AGBL1: variants seen among roughly 807,000 people sequenced by gnomAD.
AGBL1 encodes the protein AGBL carboxypeptidase 1.
Under a neutral mutation model 118.9 loss-of-function variants are expected in AGBL1, and 130 were observed. That is an observed-to-expected ratio of 1.09 (90% CI 0.95 to 1.26). The LOEUF is 1.26. Among genes scored for constraint, AGBL1 ranks in the 50% most tolerant of loss-of-function variants. AGBL1 has a pLI of 0.00. For missense variants in AGBL1, 1,584 were observed against 1,298.1 expected, an observed-to-expected ratio of 1.22 and a Z score of -3.38; for synonymous variants, 555 against 478.9, an observed-to-expected ratio of 1.16 and a Z score of -2.08.
intron 22 of AGBL1, among the ~76,000 whole-genome samples, chr15:86,688,113 G>A (rs76018326): frequency 0.02 from 3,039 of 152,228 alleles, 109 homozygotes; most frequent in African/African-American, 0.069. Context: ...AACAACAAGC[G>A]CATGTCGTTG....
At chr15:86,166,723 T>C (rs967633552) in intron 5 of AGBL1, among the ~76,000 whole-genome samples, 1 of 152,170 alleles carries the variant, frequency 6.6e-6, no homozygotes, top group African/African-American at 2.4e-5. Context: ...CATTGCTGGT[T>C]CTGTATTTAT....
At position 86,834,153 on chromosome 15, in the gene AGBL1, A is replaced by G. The variant is rs1353421234; in HGVS notation, c.3159-72934A>G. ...CTATGTCGGGATACCAGAGGATTCAATGGGGCATCTGTTTGTGCTTCTGTA... is the reference window on the plus strand; with the variant it reads ...CTATGTCGGGATACCAGAGGATTCAGTGGGGCATCTGTTTGTGCTTCTGTA... On this transcript the variant is annotated intron_variant, in intron 22 of 22. Transcript: ENST00000614907. Among the ~76,000 whole-genome samples, 4 of 152,174 alleles carry G rather than the reference A, an allele frequency of 2.6e-5. No individual in the cohort carries two copies. The East Asian group carries it at 5.8e-4, about 22-fold the overall frequency.
intron 19 of AGBL1, among the ~76,000 whole-genome samples, chr15:86,542,517 C>T (rs1374546129): frequency 2.6e-5 from 4 of 151,678 alleles, no homozygotes; most frequent in African/African-American, 9.7e-5. Flanking sequence ...CAGGCGCATG[C>T]CACCATGCCT....
Position 86,365,599 on chromosome 15 carries a change from C to G in AGBL1, c.2375-31767C>G, listed in dbSNP as rs138544630. On this transcript the variant is annotated intron_variant, in intron 17 of 22. Transcript: ENST00000614907. ...CTATTCTTACATTCTCTCTCTATACCCATTTATCTCTTTACAGAGCTGCCT... is the reference window on the plus strand; with the variant it reads ...CTATTCTTACATTCTCTCTCTATACGCATTTATCTCTTTACAGAGCTGCCT... Among the ~76,000 whole-genome samples, 21 of 152,182 alleles carry G rather than the reference C, an allele frequency of 1.4e-4. 1 individual carries two copies. The highest frequency in any genetic ancestry group is 1.4e-3 in the Admixed American group (21 of 15,266).
rs144602165 is a variant in AGBL1, at chr15:86,110,979, AATGTG to A, written c.51+30958_51+30962del. Among the ~76,000 whole-genome samples the A allele has an allele frequency of 9.0e-3, 1,368 of 152,314 alleles. 11 individuals are homozygous for A. Among genetic ancestry groups the A allele is most frequent in the Middle Eastern group, 0.034 (10 of 294 alleles). ...GCCACCCAGTATTGCTACAATTACT[AATGTG>A]ACAGGCCTATCTTTTATTCTCCCAG... On this transcript the variant is annotated intron_variant, in intron 1 of 22. Coordinates refer to ENST00000614907, the MANE Select transcript of AGBL1 (RefSeq NM_001386094.1).
chr15:86,969,878 G>A (rs1187143333), intron 23 of AGBL1, among the ~76,000 whole-genome samples: 2 of 151,852 alleles, frequency 1.3e-5, no homozygotes, highest in African/African-American at 4.8e-5. Flanking sequence ...GAGGAATGTG[G>A]GAAGAACACA....
At chr15:86,152,529 G>A (rs1386859039) in intron 3 of AGBL1, among the ~76,000 whole-genome samples, 1 of 152,160 alleles carries the variant, frequency 6.6e-6, no homozygotes, top group East Asian at 1.9e-4. Context: ...ATGGATTGAA[G>A]ACTTAAATGT....
At chr15:86,378,748 T>C (rs546519711) in intron 17 of AGBL1, among the ~76,000 whole-genome samples, 3 of 152,046 alleles carry the variant, frequency 2.0e-5, no homozygotes, top group South Asian at 2.1e-4. Flanking sequence ...AAGTAACATA[T>C]GCAAAGTCAA....
At chr15:86,836,012 C>T (rs543459411) in intron 22 of AGBL1, among the ~76,000 whole-genome samples, 110 of 152,312 alleles carry the variant, frequency 7.2e-4, no homozygotes, top group Admixed American at 2.2e-3. Flanking sequence ...GAACATGCTG[C>T]TTCTAGCTTA....
At chr15:86,244,334 G>A (rs541618188) in intron 6 of AGBL1, among the ~76,000 whole-genome samples, 5 of 152,192 alleles carry the variant, frequency 3.3e-5, no homozygotes, top group South Asian at 2.1e-4. Context: ...GCAAAGCAGC[G>A]CCTTCCTCTC....
intron 22 of AGBL1, among the ~76,000 whole-genome samples, chr15:86,761,930 T>A (rs532644465): frequency 1.4e-4 from 22 of 152,268 alleles, no homozygotes; most frequent in Non-Finnish European, 2.9e-4. Context: ...CTGAATGGTA[T>A]TGCCTAGATT....
intron 22 of AGBL1, among the ~76,000 whole-genome samples, chr15:86,705,033 C>T (rs1262077901): frequency 6.6e-6 from 1 of 152,058 alleles, no homozygotes; most frequent in African/African-American, 2.4e-5. Context: ...AACACAGGAA[C>T]AGAAAAATCA....
At position 86,298,246 on chromosome 15, in the gene AGBL1, A is replaced by ATATATAT. The variant is rs1555462936; in HGVS notation, c.2374+2838_2374+2839insTATATAT. 2.5e-3 allele frequency among the ~76,000 whole-genome samples: 173 copies of ATATATAT among 69,804 alleles called. 9 individuals carry two copies. The highest frequency in any genetic ancestry group is 0.013 in the Middle Eastern group (2 of 154). 45.8% of individuals were successfully genotyped at this position (69,804 alleles called of 152,430 possible). A position where few individuals can be genotyped will look rare whatever the true frequency, so the allele number is the denominator to read the frequency against. On this transcript the variant is annotated intron_variant, in intron 17 of 22. Transcript: ENST00000614907. Reference sequence around the variant, plus strand: ...GTATACAGGGTACGTGTCTGTGTATAATATATATATATATATATATATATA... The same window carrying ATATATAT: ...GTATACAGGGTACGTGTCTGTGTATATATATATATATATATATATATATATATATATA...
upstream of AGBL1, chr15:86,079,797 C>T (rs145599731): frequency 8.4e-3 from 3,398 of 403,154 alleles, 23 homozygotes; most frequent in Non-Finnish European, 0.012. Context: ...TGGGTATTCA[C>T]GCCTGTGCCG....
chr15:86,216,542 G>A (rs1294331776), intron 5 of AGBL1, among the ~76,000 whole-genome samples: 2 of 152,048 alleles, frequency 1.3e-5, no homozygotes, highest in Non-Finnish European at 2.9e-5. Context: ...TCTTTATTCT[G>A]TTATTATGGT....
chr15:86,733,682 G>T (rs2141220417), intron 22 of AGBL1, among the ~76,000 whole-genome samples: 1 of 152,198 alleles, frequency 6.6e-6, no homozygotes, highest in Admixed American at 6.5e-5. Flanking sequence ...CATTCTATAT[G>T]TGCTCGTAAC....
intron 23 of AGBL1, among the ~76,000 whole-genome samples, chr15:86,984,023 C>A (rs954329966): frequency 6.6e-6 from 1 of 152,060 alleles, no homozygotes; most frequent in Non-Finnish European, 1.5e-5. Context: ...GTGGGCATAT[C>A]ATTTTATTTC....
chr15:86,416,085 T>C (rs902008569), intron 18 of AGBL1, among the ~76,000 whole-genome samples: 5 of 152,200 alleles, frequency 3.3e-5, no homozygotes, highest in African/African-American at 1.2e-4. Context: ...TGGCCCACTC[T>C]TTCAGAAGGT....
Position 86,079,883 on chromosome 15 carries a change from C to A in AGBL1, c.-90C>A, listed in dbSNP as rs569546610. The A allele has an allele frequency of 1.5e-5, 15 of 990,390 alleles. No homozygotes were observed. Among genetic ancestry groups the A allele is most frequent in the Admixed American group, 4.3e-5 (1 of 23,406 alleles). The allele number at this position is 990,390 out of a possible 1,614,324, so 61.4% of individuals were successfully genotyped here. A position where few individuals can be genotyped will look rare whatever the true frequency, so the allele number is the denominator to read the frequency against. On this transcript the variant is annotated 5_prime_UTR_variant, in exon 1 of 23. Transcript: ENST00000614907. ...GAGGCCTCCGGGCAGTCGTCTCCTG[C>A]GAGGCGGGCAGCGAGGTCAGCTTGG...
Sources: gnomAD v4.1 joint callset for allele counts (sites outside exome capture counted in the v4.1 genomes callset) on GRCh38, gnomAD v4.1.1 for gene constraint, MANE v1.5 for transcripts, NCBI Gene and HGNC (gene_info 2026-07-23, HGNC 2026-07-21) for gene names.